The following VAT1 variants were observed in gnomAD, a reference collection of about 807,000 sequenced individuals.
VAT1 encodes the protein NADPH-dependent quinone oxidoreductase VAT1.
Under a neutral mutation model 33.3 loss-of-function variants are expected in VAT1, and 24 were observed. The ratio of observed to expected loss-of-function variants is 0.72; its 90% CI spans 0.52 to 1.01. VAT1 has a LOEUF of 1.01. Ranked by LOEUF, VAT1 falls within the 50% of genes least tolerant of loss-of-function variation. The pLI, the probability that VAT1 is intolerant of heterozygous loss-of-function variation, is 0.00. For synonymous variants in VAT1, 212 were observed against 225.0 expected (o/e 0.94, Z 0.52); for missense variants, 436 against 533.7 (o/e 0.82, Z 1.80).
In VAT1 at chr17:43,017,869, C is replaced by T. The variant is rs766799454; in HGVS notation, c.828G>A (p.Leu276=). ...AGGTGACGACTTTGCCCATGGGTTT[C>T]AGGAGGTTGTAGCCCTTGGCAGTAT... The part of the protein sequence containing the change: ...GSDTAKGYNL[L]KPMGKVVTYG... The change falls in exon 4 of 6, where the codon CTG becomes CTA. Residue 276 remains leucine (L), a synonymous_variant. Coordinates refer to ENST00000355653, the MANE Select transcript of VAT1 (RefSeq NM_006373.4). The T allele has an allele frequency of 1.5e-5, 24 of 1,614,050 alleles. No individual in the cohort carries two copies. Among genetic ancestry groups the T allele is most frequent in the Non-Finnish European group, 1.9e-5 (23 of 1,180,042 alleles).
At position 43,016,332 on chromosome 17, in the gene VAT1, A is replaced by G; in HGVS notation, c.1073T>C (p.Ile358Thr). The change falls in exon 5 of 6, where the codon ATT becomes ACT. Residue 358 changes from isoleucine to threonine, a missense_variant. By Grantham distance (89) the Ile-to-Thr change is moderately conservative (BLOSUM62 -1). Transcript: ENST00000355653. ...CTTCTCGAAGGGCCAGACTGAGTCA[A>G]TGTGGGGCTTGATGTGGCCCTGGTT... Reference protein sequence around the residue: ...LYNQGHIKPHIDSVWPFEKVA... With the variant: ...LYNQGHIKPHTDSVWPFEKVA... The G allele has an allele frequency of 5.6e-6, 9 of 1,610,452 alleles. No homozygotes were observed. The highest frequency in any genetic ancestry group is 7.6e-6 in the Non-Finnish European group (9 of 1,179,990).
chr17:43,016,285 C>T, intron 5 of VAT1, 22 bp downstream of exon 5: 6 of 1,606,670 alleles, frequency 3.7e-6, no homozygotes, highest in South Asian at 1.1e-5. Context: ...CCAAGCCCTC[C>T]CTGCAAAGTC....
rs531433814 is a variant in VAT1 at position 43,015,817 on chromosome 17, C to T, written c.*244G>A. ...GGAAAGGGTGGGGGCAGGAAGCAGCCGGCCTCCCTCTGACCCTCCCTGTCG... is the reference window on the plus strand; with the variant it reads ...GGAAAGGGTGGGGGCAGGAAGCAGCTGGCCTCCCTCTGACCCTCCCTGTCG... On this transcript the variant is annotated 3_prime_UTR_variant, in exon 6 of 6. Transcript: ENST00000355653. The T allele has an allele frequency of 1.3e-4, 72 of 574,348 alleles. 1 individual carries two copies. The highest frequency in any genetic ancestry group is 6.8e-4 in the South Asian group (33 of 48,730). The allele number at this position is 574,348 out of a possible 1,614,324, so 35.6% of individuals were successfully genotyped here.
Position 43,021,048 on chromosome 17 carries a change from G to T in VAT1, c.387+888C>A, listed in dbSNP as rs2050562735. ...GAAGGAGAAACAGGCCTGCAGACTT[G>T]GCCAACCAGTTCAAGGCGCCGCACC... On this transcript the variant is annotated intron_variant, in intron 1 of 5. Coordinates refer to ENST00000355653, the MANE Select transcript of VAT1 (RefSeq NM_006373.4). Among the ~76,000 whole-genome samples, 3 of 152,228 alleles carry T rather than the reference G, an allele frequency of 2.0e-5. No individual in the cohort carries two copies. The East Asian group carries it at 5.8e-4, about 29-fold the overall frequency.
At position 43,016,001 on chromosome 17, in the gene VAT1, C is replaced by T; in HGVS notation, c.*60G>A. 6.3e-7 allele frequency: 1 copy of T among 1,585,562 alleles called. No homozygotes were observed. Among genetic ancestry groups the T allele is most frequent in the Non-Finnish European group, 8.6e-7 (1 of 1,156,782 alleles). ...GCTGAAATGCAAGTCTGGTGGCCAA[C>T]AGAACGTAGCTTCCCAACTTCTCCC... On this transcript the variant is annotated 3_prime_UTR_variant, in exon 6 of 6. Coordinates refer to ENST00000355653, the MANE Select transcript of VAT1 (RefSeq NM_006373.4).
At position 43,022,115 on chromosome 17, in the gene VAT1, C is replaced by T. The variant is rs1297944025; in HGVS notation, c.208G>A (p.Ala70Thr). 1 of 1,567,284 alleles carries T rather than the reference C, an allele frequency of 6.4e-7. No individual in the cohort carries two copies. The highest frequency in any genetic ancestry group is 8.6e-7 in the Non-Finnish European group (1 of 1,156,780). ...TGGCCGGGCCCAGGGGCCGGGGGCG[C>T]TGCCGGCCGGCTCTGCAGCTTCACC... ...DKVKLQSRPA[A>T]PPAPGPGQLT... is the part of the protein sequence containing the mutation. Residue 70 changes from alanine (A) to threonine (T), a missense_variant, in exon 1 of 6, where the codon GCG becomes ACG. By Grantham distance (58) the Ala-to-Thr change is moderately conservative. Coordinates refer to ENST00000355653, the MANE Select transcript of VAT1 (RefSeq NM_006373.4).
rs1272570685 is a variant in VAT1, at chr17:43,022,144, T to G, written c.179A>C (p.Asp60Ala). 1.3e-6 allele frequency: 2 copies of G among 1,560,398 alleles called. No individual in the cohort carries two copies. The highest frequency in any genetic ancestry group is 3.8e-5 in the Admixed American group (2 of 52,900). ...CLVLTGFGGY[D>A]KVKLQSRPAA... is the part of the protein sequence containing the mutation. ...CGGCCGGCTCTGCAGCTTCACCTTG[T>G]CGTAGCCTCCAAAGCCGGTGAGCAC... is the stretch of plus-strand genomic sequence containing the variant. The change falls in exon 1 of 6, where the codon GAC (aspartate) becomes GCC (alanine). Residue 60 changes from aspartate (D) to alanine (A), a missense_variant. By Grantham distance (126) the Asp-to-Ala change is moderately radical. Around this residue, in one of 2 missense-constraint regions of VAT1, gnomAD observed 154 missense variants for 128.3 expected, o/e 1.20. Transcript: ENST00000355653.
At chr17:43,016,240 C>G in intron 5 of VAT1, 67 bp downstream of exon 5, 1 of 1,608,436 alleles carries the variant, frequency 6.2e-7, no homozygotes, top group Non-Finnish European at 8.5e-7. Context: ...CCCCAGGAAT[C>G]TGCCCCTTGG....
In VAT1 at chr17:43,018,165, C is replaced by T. The variant is rs2050536781; in HGVS notation, c.637G>A (p.Glu213Lys). The T allele has an allele frequency of 5.0e-6, 8 of 1,613,916 alleles. No homozygotes were observed. The African/African-American group carries it at 5.3e-5, about 11-fold the overall frequency. ...GCCGTTCCGAACACTGTCACATTCT[C>T]CACTGTACGGCACAGCTGCACGGCA... The part of the protein sequence containing the change: ...MAAVQLCRTV[E>K]NVTVFGTASA... Residue 213 changes from glutamate to lysine, a missense_variant, in exon 3 of 6, where the codon GAG (glutamate) becomes AAG (lysine). Glu to Lys is a moderately conservative substitution (Grantham distance 56). This residue lies in a region of VAT1 where 282 missense variants were observed against 405.4 expected (regional missense o/e 0.70). Coordinates refer to ENST00000355653, the MANE Select transcript of VAT1 (RefSeq NM_006373.4).
intron 1 of VAT1, among the ~76,000 whole-genome samples, chr17:43,020,920 C>T (rs1486009434): frequency 1.8e-4 from 27 of 150,660 alleles, no homozygotes; most frequent in Admixed American, 1.7e-3. Context: ...AAAGAAACCT[C>T]TAAACAAATG....
intron 1 of VAT1, among the ~76,000 whole-genome samples, chr17:43,021,553 A>G (rs1460617706): frequency 7.5e-6 from 1 of 133,218 alleles, no homozygotes; most frequent in African/African-American, 2.8e-5. Flanking sequence ...ATAGTCACAG[A>G]CCACAATTAC....
intron 2 of VAT1, among the ~76,000 whole-genome samples, 178 bp from the exon 3 acceptor site, chr17:43,018,384 G>C (rs576023372): frequency 6.6e-6 from 1 of 152,308 alleles, no homozygotes; most frequent in South Asian, 2.1e-4. Context: ...GTGGGGGTGT[G>C]GGGTGAGGGC....
At chr17:43,016,261 T>C in intron 5 of VAT1, 46 bp downstream of exon 5, 1 of 1,607,106 alleles carries the variant, frequency 6.2e-7, no homozygotes, top group Non-Finnish European at 8.5e-7. Context: ...GACCCCAGCC[T>C]TCATGAGTCC....
In VAT1 at chr17:43,016,150, G is replaced by T; in HGVS notation, c.1099-6C>A. 6.2e-7 allele frequency: 1 copy of T among 1,614,118 alleles called. No homozygotes were observed. Among genetic ancestry groups the T allele is most frequent in the East Asian group, 2.2e-5 (1 of 44,888 alleles). On this transcript the variant is annotated splice_region_variant and splice_polypyrimidine_tract_variant and intron_variant, in intron 5 of 5. Transcript: ENST00000355653. ...TGTTTCATGGCATCAGCCACCTGGG[G>T]AGGAAGGAAAGATGCGGCTCCCAGT...
chr17:43,021,148 G>A (rs2050563533), intron 1 of VAT1, among the ~76,000 whole-genome samples: 2 of 152,184 alleles, frequency 1.3e-5, no homozygotes, highest in Admixed American at 1.3e-4. Flanking sequence ...GGCAGAGGTG[G>A]GTCCCCCCTT....
Position 43,015,707 on chromosome 17 carries a change from GA to G in VAT1, c.*353del. 1 of 298,618 alleles carries G rather than the reference GA, an allele frequency of 3.3e-6. No individual in the cohort carries two copies. Among genetic ancestry groups the G allele is most frequent in the Non-Finnish European group, 6.3e-6 (1 of 158,480 alleles). 18.5% of individuals were successfully genotyped at this position (298,618 alleles called of 1,614,324 possible). A position where few individuals can be genotyped will look rare whatever the true frequency, so the allele number is the denominator to read the frequency against. On this transcript the variant is annotated 3_prime_UTR_variant, in exon 6 of 6. Transcript: ENST00000355653. ...GGAGGTGGCGGGGCAGGGACGGGAG[GA>G]AAGATGAGGCAGAGGTGAAAGCACA... is the stretch of plus-strand genomic sequence containing the variant.
intron 4 of VAT1, 34 bp from the exon 5 acceptor site, chr17:43,016,582 C>G (rs750818876): frequency 5.6e-6 from 9 of 1,606,430 alleles, no homozygotes; most frequent in South Asian, 5.5e-5. Flanking sequence ...TGTGAACCCC[C>G]CCAGGCACAT....
At position 43,016,373 on chromosome 17, in the gene VAT1, G is replaced by A; in HGVS notation, c.1032C>T (p.Arg344=). Residue 344 remains arginine, a synonymous_variant, in exon 5 of 6, where the codon CGC becomes CGT. Transcript: ENST00000355653. Reference sequence around the variant, plus strand: ...GGCCCTGGTTGTACAGAGCCAGGAGGCGGGCCACCACACCACTGACCAGCT... The same window carrying A: ...GGCCCTGGTTGTACAGAGCCAGGAGACGGGCCACCACACCACTGACCAGCT... ...EVELVSGVVA[R]LLALYNQGHI... 6.2e-7 allele frequency: 1 copy of A among 1,613,038 alleles called. No individual in the cohort carries two copies. The highest frequency in any genetic ancestry group is 1.7e-5 in the Admixed American group (1 of 60,024).
rs2050517742 is a variant in VAT1 at position 43,016,087 on chromosome 17, C to A, written c.1156G>T (p.Val386Phe). ...TAGTTCTCCTTCTCTGGCCCTGGAACCAGGAGGACCTTGCCCACATTCTTC... is the reference window on the plus strand; with the variant it reads ...TAGTTCTCCTTCTCTGGCCCTGGAAACAGGAGGACCTTGCCCACATTCTTC... ...EKKNVGKVLLVPGPEKEN is the reference protein window; with the variant it reads ...EKKNVGKVLLFPGPEKEN The change falls in exon 6 of 6, where the codon GTT becomes TTT. Residue 386 changes from valine (V) to phenylalanine (F), a missense_variant. This residue lies in a region of VAT1 where 282 missense variants were observed against 405.4 expected (regional missense o/e 0.70). Transcript: ENST00000355653. 2 of 1,614,074 alleles carry A rather than the reference C, an allele frequency of 1.2e-6. No homozygotes were observed. The highest frequency in any genetic ancestry group is 2.2e-5 in the South Asian group (2 of 91,086).
Sources: allele counts gnomAD v4.1 joint callset (sites outside exome capture counted in the v4.1 genomes callset), GRCh38; gene constraint gnomAD v4.1.1; regional missense constraint gnomAD v4.1.1; transcripts MANE v1.5; gene names NCBI Gene and HGNC (gene_info 2026-07-23, HGNC 2026-07-21).